Variants in DNA2 observed in about 807,000 individuals in gnomAD.
DNA2 encodes DNA replication ATP-dependent helicase/nuclease DNA2.
In DNA2, 101 loss-of-function variants were observed where a neutral mutation model predicts 119.1. The ratio of observed to expected loss-of-function variants is 0.85; its 90% CI spans 0.72 to 1.00. The LOEUF (loss-of-function observed/expected upper bound fraction) is 1.00. Ranked by LOEUF, DNA2 falls within the 50% of genes least tolerant of loss-of-function variation. DNA2 has a pLI of 0.00. For synonymous variants in DNA2, 366 were observed against 424.4 expected (o/e 0.86, Z 1.69); for missense variants, 1,121 against 1,255.5 (o/e 0.89, Z 1.62).
At position 68,431,861 on chromosome 10, in the gene DNA2, C is replaced by T. The variant is rs1415432326; in HGVS notation, c.1983+1G>A. ...TCTAAGCAGAAGAATAATAACCTTA[C>T]GAGAGTACATATCGTAGTTGTTTTT... On this transcript the variant is annotated splice_donor_variant, in intron 13 of 20. Coordinates refer to ENST00000358410, the MANE Select transcript of DNA2 (RefSeq NM_001080449.3). LOFTEE classifies it high-confidence loss of function. The T allele has an allele frequency of 1.2e-5, 19 of 1,597,144 alleles. No homozygotes were observed. Among genetic ancestry groups the T allele is most frequent in the South Asian group, 4.4e-5 (4 of 90,296 alleles).
At chr10:68,462,025 G>GT (rs1218633100) in intron 4 of DNA2, among the ~76,000 whole-genome samples, 1 of 152,008 alleles carries the variant, frequency 6.6e-6, no homozygotes, top group East Asian at 1.9e-4. Context: ...TTTTACAATA[G>GT]TTTTTTCATT....
chr10:68,432,333 A>G lies in DNA2; in HGVS notation c.1764-18T>C. ...GTTTTTTGCTGAAAAGTGAAAAAGC[A>G]CTTTTAGTAATATTCCTTAGAAAAG... On this transcript the variant is annotated intron_variant, in intron 11 of 20. Coordinates refer to ENST00000358410, the MANE Select transcript of DNA2 (RefSeq NM_001080449.3). 1 of 1,577,224 alleles carries G rather than the reference A, an allele frequency of 6.3e-7. No homozygotes were observed. The highest frequency in any genetic ancestry group is 1.2e-5 in the South Asian group (1 of 86,466).
chr10:68,455,075 AT>A (rs113713856), intron 5 of DNA2, among the ~76,000 whole-genome samples: 20,656 of 150,792 alleles, frequency 0.14, 2,004 homozygotes, highest in African/African-American at 0.27. Context: ...AGTAGCTGGG[AT>A]TTACAGGCAT....
In DNA2 at chr10:68,422,838, T is replaced by G; in HGVS notation, c.2261A>C (p.Lys754Thr). 6.2e-7 allele frequency: 1 copy of G among 1,608,860 alleles called. No homozygotes were observed. The highest frequency in any genetic ancestry group is 8.5e-7 in the Non-Finnish European group (1 of 1,178,806). The change falls in exon 15 of 21, where the codon AAA becomes ACA. Residue 754 changes from lysine to threonine, a missense_variant. Coordinates refer to ENST00000358410, the MANE Select transcript of DNA2 (RefSeq NM_001080449.3). ...MGINHPIFSR[K>T]IFDFCIVDEA... ...ATCCACAATACAAAAATCAAAAATT[T>G]TACGGGAAAATATTGGATGGTTTAT...
Position 68,468,324 on chromosome 10 carries a change from T to C in DNA2, c.258-18A>G. ...CAGAACACCTGAAAATAAAGCAAAG[T>C]TAAAGTATAAATACATAGCTTAGGT... On this transcript the variant is annotated intron_variant, in intron 2 of 20. Coordinates refer to ENST00000358410, the MANE Select transcript of DNA2 (RefSeq NM_001080449.3). 6.6e-7 allele frequency: 1 copy of C among 1,511,388 alleles called. No individual in the cohort carries two copies. Among genetic ancestry groups the C allele is most frequent in the Non-Finnish European group, 8.9e-7 (1 of 1,129,112 alleles). 93.6% of individuals were successfully genotyped at this position (1,511,388 alleles called of 1,614,324 possible). A position where few individuals can be genotyped will look rare whatever the true frequency, so the allele number is the denominator to read the frequency against.
At position 68,470,102 on chromosome 10, in the gene DNA2, G is replaced by A. The variant is rs910354727; in HGVS notation, c.136C>T (p.Arg46Trp). ...RTVLSTGMDN[R>W]YLVLAVNTVQ... ...GTATTGACTGCCAACACCAGGTACC[G>A]GTTATCCATTCCTGTGCTCAGAACT... is the stretch of plus-strand genomic sequence containing the variant. The change falls in exon 2 of 21, where the codon CGG becomes TGG. Residue 46 changes from arginine to tryptophan, a missense_variant. Transcript: ENST00000358410. 17 of 1,613,286 alleles carry A rather than the reference G, an allele frequency of 1.1e-5. No individual in the cohort carries two copies. Among genetic ancestry groups the A allele is most frequent in the African/African-American group, 4.0e-5 (3 of 74,866 alleles).
At chr10:68,417,221 C>A (rs1399269955) in intron 19 of DNA2, among the ~76,000 whole-genome samples, 2 of 149,680 alleles carry the variant, frequency 1.3e-5, no homozygotes, top group African/African-American at 2.5e-5. Flanking sequence ...CATGCCTCCA[C>A]ACTCTGACCT....
intron 14 of DNA2, among the ~76,000 whole-genome samples, chr10:68,425,615 A>G (rs1037718336): frequency 9.5e-5 from 14 of 147,074 alleles, no homozygotes; most frequent in African/African-American, 3.5e-4. Flanking sequence ...GTTAGCCAGG[A>G]TGGTCTCCAT....
chr10:68,443,125 T>C lies in DNA2; in HGVS notation c.1221-14A>G. The C allele has an allele frequency of 6.5e-7, 1 of 1,543,356 alleles. No individual in the cohort carries two copies. The highest frequency in any genetic ancestry group is 8.7e-7 in the Non-Finnish European group (1 of 1,145,188). On this transcript the variant is annotated splice_polypyrimidine_tract_variant and intron_variant, in intron 8 of 20. Coordinates refer to ENST00000358410, the MANE Select transcript of DNA2 (RefSeq NM_001080449.3). The stretch of plus-strand genomic sequence containing the variant: ...TGTTCAACTGCTCTAAATATAAAGT[T>C]CCAAGTTAGAGATGCTTATAAACCA...
intron 10 of DNA2, among the ~76,000 whole-genome samples, chr10:68,435,036 T>C (rs2051869528): frequency 6.6e-6 from 1 of 151,964 alleles, no homozygotes. Flanking sequence ...AATATGGATA[T>C]TGGTCTCTGC....
At chr10:68,432,028 T>C in intron 12 of DNA2, 57 bp from the exon 13 acceptor site, 2 of 1,383,518 alleles carry the variant, frequency 1.4e-6, no homozygotes, top group Non-Finnish European at 2.0e-6. Flanking sequence ...AAGGAAAAGT[T>C]AATTATTTCA....
intron 17 of DNA2, 135 bp from the exon 18 acceptor site, chr10:68,420,027 T>C: frequency 1.4e-6 from 1 of 702,496 alleles, no homozygotes; most frequent in Non-Finnish European, 2.4e-6. Context: ...GGTGAAAGAA[T>C]CAACAAAAAT....
At chr10:68,469,124 T>G (rs1398740201) in intron 2 of DNA2, among the ~76,000 whole-genome samples, 1 of 151,928 alleles carries the variant, frequency 6.6e-6, no homozygotes, top group Non-Finnish European at 1.5e-5. Context: ...CTAGCTTTTC[T>G]GCATCTACAC....
chr10:68,416,780 C>T lies in DNA2; in HGVS notation c.3043G>A (p.Gly1015Arg), dbSNP rs1049146139. 1 of 1,613,868 alleles carries T rather than the reference C, an allele frequency of 6.2e-7. No homozygotes were observed. Among genetic ancestry groups the T allele is most frequent in the Non-Finnish European group, 8.5e-7 (1 of 1,179,806 alleles). The stretch of plus-strand genomic sequence containing the variant: ...TAGCAATTTAGTGAGGGCACACACC[C>T]CAGAAGAATCAGTTTATGTTTGGCT... ...TRAKHKLILL[G>R]CVPSLNCYPP... The change falls in exon 20 of 21, where the codon GGG becomes AGG. Residue 1015 changes from glycine (G) to arginine (R), a missense_variant. Coordinates refer to ENST00000358410, the MANE Select transcript of DNA2 (RefSeq NM_001080449.3).
upstream of DNA2, chr10:68,471,987 G>C (rs201678429): frequency 6.2e-4 from 997 of 1,611,400 alleles, no homozygotes; most frequent in South Asian, 1.3e-3. Flanking sequence ...CCAACCCGCA[G>C]ATGTCCCAAA....
intron 8 of DNA2, among the ~76,000 whole-genome samples, chr10:68,444,682 C>A (rs1286395528): frequency 6.8e-6 from 1 of 147,236 alleles, no homozygotes; most frequent in African/African-American, 2.5e-5. Context: ...CGAGATTGCA[C>A]CATTGCACTC....
At chr10:68,467,153 T>C (rs35313312) in intron 3 of DNA2, among the ~76,000 whole-genome samples, 27,091 of 152,038 alleles carry the variant, frequency 0.18, 2,930 homozygotes, top group African/African-American at 0.31. Flanking sequence ...TCCCTCTATC[T>C]CCCACCGTGA....
Position 68,431,947 on chromosome 10 carries a change from G to A in DNA2, c.1898C>T (p.Ala633Val), listed in dbSNP as rs773532624. ...LKGLNKPQRQ[A>V]MKKVLLSKDY... ...TTTTGAAAGAAGTACCTTTTTCATC[G>A]CTTGCCTCTGAGGCTTATTCAAACC... Residue 633 changes from alanine to valine, a missense_variant, in exon 13 of 21, where the codon GCG becomes GTG. Physicochemically the swap from Ala to Val is moderately conservative, Grantham distance 64. Transcript: ENST00000358410. The A allele has an allele frequency of 1.5e-5, 24 of 1,612,838 alleles. No homozygotes were observed. Among genetic ancestry groups the A allele is most frequent in the East Asian group, 2.2e-5 (1 of 44,852 alleles).
At chr10:68,443,602 A>G (rs1306041960) in intron 8 of DNA2, among the ~76,000 whole-genome samples, 2 of 152,210 alleles carry the variant, frequency 1.3e-5, no homozygotes, top group Non-Finnish European at 2.9e-5. Flanking sequence ...CAGACTTCCT[A>G]CGGTTCACAG....
Sources: gnomAD v4.1 joint callset for allele counts (sites outside exome capture counted in the v4.1 genomes callset) on GRCh38, gnomAD v4.1.1 for gene constraint, MANE v1.5 for transcripts, NCBI Gene and HGNC (gene_info 2026-07-23, HGNC 2026-07-21) for gene names.